Variants in MAPKAPK5 observed in about 807,000 individuals in gnomAD.
MAPKAPK5 encodes MAPK activated protein kinase 5.
A neutral mutation model predicts 65.1 loss-of-function variants in MAPKAPK5; 30 were observed. The observed-to-expected ratio is 0.46, with a 90% CI of 0.34 to 0.63. The LOEUF (loss-of-function observed/expected upper bound fraction) is 0.63. MAPKAPK5 is among the 20% of genes least tolerant of loss of function. The pLI, the probability that MAPKAPK5 is intolerant of heterozygous loss-of-function variation, is 0.01. For missense variants in MAPKAPK5, 433 were observed against 581.4 expected (o/e 0.74, Z 2.63); for synonymous variants, 179 against 204.6 (o/e 0.87, Z 1.07).
At chr12:111,844,567 T>C (rs188616688) in intron 1 of MAPKAPK5, among the ~76,000 whole-genome samples, 1 of 152,338 alleles carries the variant, frequency 6.6e-6, no homozygotes, top group Non-Finnish European at 1.5e-5. Context: ...TCAAAGCGTA[T>C]GTGGCCAGTT....
intron 2 of MAPKAPK5, among the ~76,000 whole-genome samples, chr12:111,865,896 A>G (rs2069589715): frequency 6.6e-6 from 1 of 150,896 alleles, no homozygotes; most frequent in African/African-American, 2.4e-5. Flanking sequence ...AGAGTCACCT[A>G]TAGCCAGCTG....
rs1351928936 is a variant in MAPKAPK5 at position 111,901,658 on chromosome 12, AAAGAAGAGGAGGAGGAGG to A, written c.*8611_*8628del. The A allele has an allele frequency of 4.4e-5, 12 of 270,600 alleles. No homozygotes were observed. The highest frequency in any genetic ancestry group is 7.1e-4 in the Middle Eastern group (1 of 1,410). 16.8% of individuals were successfully genotyped at this position (270,600 alleles called of 1,614,324 possible). A position where few individuals can be genotyped will look rare whatever the true frequency, so the allele number is the denominator to read the frequency against. On this transcript the variant is annotated 3_prime_UTR_variant, in exon 14 of 14. Transcript: ENST00000550735. ...AGAAAAAGAAGAGAAGGAGGAAGAA[AAAGAAGAGGAGGAGGAGG>A]AAGAAGAGGAGGAAGAATCAGATTC...
At chr12:111,858,872 A>G (rs1010192926) in intron 1 of MAPKAPK5, among the ~76,000 whole-genome samples, 3 of 147,910 alleles carry the variant, frequency 2.0e-5, no homozygotes, top group Non-Finnish European at 4.5e-5. Flanking sequence ...TTTTCATGCC[A>G]GTCATTATAA....
In MAPKAPK5 at chr12:111,894,132, TC is replaced by T. The variant is rs1300506232; in HGVS notation, c.*1074del. The T allele has an allele frequency of 6.6e-6, 1 of 152,632 alleles. No homozygotes were observed. The highest frequency in any genetic ancestry group is 2.4e-5 in the African/African-American group (1 of 41,396). The allele number at this position is 152,632 out of a possible 1,614,324, so 9.5% of individuals were successfully genotyped here. The stretch of plus-strand genomic sequence containing the variant: ...ATCTCGGCTCACTGCAACCTCTGTC[TC>T]CCAGGTTCAAGTGATTCTCCTGCCT... On this transcript the variant is annotated 3_prime_UTR_variant, in exon 14 of 14. Coordinates refer to ENST00000550735, the MANE Select transcript of MAPKAPK5 (RefSeq NM_003668.4).
chr12:111,852,842 C>T lies in MAPKAPK5; in HGVS notation c.36+10073C>T, dbSNP rs559293092. On this transcript the variant is annotated intron_variant, in intron 1 of 13. Coordinates refer to ENST00000550735, the MANE Select transcript of MAPKAPK5 (RefSeq NM_003668.4). ...AGGCTTAAGTGCAGTAGTGCAATCT[C>T]GGCTGACGGCAACCTCTGCCTCCCA... Among the ~76,000 whole-genome samples the T allele has an allele frequency of 9.9e-4, 151 of 152,132 alleles. No homozygotes were observed. In the Middle Eastern group the frequency reaches 0.044, roughly 45 times the overall value.
In MAPKAPK5 at chr12:111,852,657, A is replaced by G. The variant is rs1317279333; in HGVS notation, c.36+9888A>G. On this transcript the variant is annotated intron_variant, in intron 1 of 13. Coordinates refer to ENST00000550735, the MANE Select transcript of MAPKAPK5 (RefSeq NM_003668.4). Reference sequence around the variant, plus strand: ...CCTTCACGTTGTTCAAGGGTCAAGTATATTATCTTATCTATTAACGTAGTA... The same window carrying G: ...CCTTCACGTTGTTCAAGGGTCAAGTGTATTATCTTATCTATTAACGTAGTA... Among the ~76,000 whole-genome samples, 4 of 152,162 alleles carry G rather than the reference A, an allele frequency of 2.6e-5. No individual in the cohort carries two copies. The East Asian group carries it at 5.8e-4, about 22-fold the overall frequency.
At chr12:111,889,930 A>G in intron 12 of MAPKAPK5, 110 bp from the exon 13 acceptor site, 1 of 690,540 alleles carries the variant, frequency 1.4e-6, no homozygotes, top group Non-Finnish European at 2.6e-6. Context: ...AGTTTTGCAC[A>G]TTCAGTCAAC....
chr12:111,887,234 C>G (rs759746872), intron 10 of MAPKAPK5, among the ~76,000 whole-genome samples: 1 of 152,140 alleles, frequency 6.6e-6, no homozygotes, highest in African/African-American at 2.4e-5. Flanking sequence ...AAAAGGAGAA[C>G]TGGAAAGTAC....
rs2070793308 is a variant in MAPKAPK5 at position 111,895,914 on chromosome 12, A to C, written c.*2853A>C. 6.6e-6 allele frequency: 1 copy of C among 152,186 alleles called. No individual in the cohort carries two copies. The highest frequency in any genetic ancestry group is 1.5e-5 in the Non-Finnish European group (1 of 68,044). 9.4% of individuals were successfully genotyped at this position (152,186 alleles called of 1,614,324 possible). On this transcript the variant is annotated 3_prime_UTR_variant, in exon 14 of 14. Coordinates refer to ENST00000550735, the MANE Select transcript of MAPKAPK5 (RefSeq NM_003668.4). ...ATTTACTGACCAGAAAACTTGACTG[A>C]GAGTTGAATTAAGTGCCTGTTGTTG...
At chr12:111,875,381 AT>A (rs939392911) in intron 7 of MAPKAPK5, among the ~76,000 whole-genome samples, 9 of 151,820 alleles carry the variant, frequency 5.9e-5, no homozygotes, top group African/African-American at 2.2e-4. Flanking sequence ...CTGAAATGCC[AT>A]TTTTTTTAAA....
At chr12:111,890,750 C>T (rs1038679244) in intron 13 of MAPKAPK5, among the ~76,000 whole-genome samples, 3 of 152,106 alleles carry the variant, frequency 2.0e-5, no homozygotes, top group Admixed American at 6.5e-5. Context: ...CTCTGCCTTC[C>T]GGGTTCAAGT....
chr12:111,855,129 T>C (rs2069193420), intron 1 of MAPKAPK5, among the ~76,000 whole-genome samples: 1 of 152,178 alleles, frequency 6.6e-6, no homozygotes, highest in Non-Finnish European at 1.5e-5. Flanking sequence ...GTTCCCTCTT[T>C]CCTTTCTAAT....
intron 1 of MAPKAPK5, among the ~76,000 whole-genome samples, chr12:111,863,121 T>C (rs2069496384): frequency 6.6e-6 from 1 of 152,048 alleles, no homozygotes; most frequent in Admixed American, 6.6e-5. Context: ...GAAAGGTGCT[T>C]AGGGTAGGGG....
intron 1 of MAPKAPK5, among the ~76,000 whole-genome samples, chr12:111,859,056 C>G (rs572702400): frequency 6.8e-6 from 1 of 147,616 alleles, no homozygotes; most frequent in Non-Finnish European, 1.5e-5. Context: ...TGCATCCAAT[C>G]AGAGATGGAT....
intron 7 of MAPKAPK5, among the ~76,000 whole-genome samples, chr12:111,878,374 G>T (rs1260053984): frequency 6.6e-6 from 1 of 151,824 alleles, no homozygotes. Context: ...TGGATGTCCA[G>T]TTGTTCTAGC....
rs918989690 is a variant in MAPKAPK5, at chr12:111,900,763, C to T, written c.*7702C>T. 4.4e-6 allele frequency: 2 copies of T among 455,970 alleles called. No homozygotes were observed. Among genetic ancestry groups the T allele is most frequent in the African/African-American group, 4.0e-5 (2 of 50,084 alleles). 28.2% of individuals were successfully genotyped at this position (455,970 alleles called of 1,614,324 possible). ...CCTTCTAGTCGTTCCTGTGATCTCC[C>T]AGAATTTTGCAATGGTACATCTGCA... On this transcript the variant is annotated 3_prime_UTR_variant, in exon 14 of 14. Transcript: ENST00000550735.
chr12:111,844,176 C>T (rs190029778), intron 1 of MAPKAPK5, among the ~76,000 whole-genome samples: 1 of 151,054 alleles, frequency 6.6e-6, no homozygotes, highest in Admixed American at 6.6e-5. Context: ...CTTGACATAT[C>T]CTTCTTTTGT....
Position 111,893,764 on chromosome 12 carries a change from G to A in MAPKAPK5, c.*703G>A, listed in dbSNP as rs1203718803. ...GAGTCTTGCTGTTGTAGTGGAGGCT[G>A]GAGTACAGTGGCACTATCTCCGCTC... On this transcript the variant is annotated 3_prime_UTR_variant, in exon 14 of 14. Transcript: ENST00000550735. 1 of 145,454 alleles carries A rather than the reference G, an allele frequency of 6.9e-6. No homozygotes were observed. The highest frequency in any genetic ancestry group is 7.1e-5 in the Admixed American group (1 of 14,026). 9.0% of individuals were successfully genotyped at this position (145,454 alleles called of 1,614,324 possible).
chr12:111,885,858 TC>T (rs2070383909), intron 9 of MAPKAPK5, 57 bp from the exon 10 acceptor site: 3 of 1,610,666 alleles, frequency 1.9e-6, no homozygotes, highest in Non-Finnish European at 2.5e-6. Flanking sequence ...TCCAGGAACT[TC>T]CTATGGCCTT....
Sources: allele counts gnomAD v4.1 joint callset (sites outside exome capture counted in the v4.1 genomes callset), GRCh38; gene constraint gnomAD v4.1.1; transcripts MANE v1.5; gene names NCBI Gene and HGNC (gene_info 2026-07-23, HGNC 2026-07-21).